The following DNAJC16 variants were observed in gnomAD, a reference collection of about 807,000 sequenced individuals.
DNAJC16 encodes the protein DnaJ heat shock protein family (Hsp40) member C16, also known as dnaJ homolog subfamily C member 16.
DNAJC16 carries 76 observed loss-of-function variants against 92.7 expected under a neutral mutation model. The observed-to-expected ratio is 0.82, with a 90% confidence interval of 0.68 to 0.99. DNAJC16 has a LOEUF of 0.99. Ranked by LOEUF, DNAJC16 falls within the 50% of genes least tolerant of loss-of-function variation. The pLI, the probability that DNAJC16 is intolerant of heterozygous loss-of-function variation, is 0.00. For synonymous variants in DNAJC16, 328 were observed against 358.7 expected, an observed-to-expected ratio of 0.91 and a Z score of 0.97; for missense variants, 869 against 942.4, an observed-to-expected ratio of 0.92 and a Z score of 1.02.
chr1:15,557,467 G>C (rs1469813689), intron 7 of DNAJC16, among the ~76,000 whole-genome samples: 2 of 151,904 alleles, frequency 1.3e-5, no homozygotes, highest in Admixed American at 6.6e-5. Context: ...TTTTGTCTTT[G>C]TTAATTCTTC....
chr1:15,546,171 G>A (rs112275023), intron 5 of DNAJC16, among the ~76,000 whole-genome samples: 1,747 of 152,278 alleles, frequency 0.011, 39 homozygotes, highest in African/African-American at 0.039. Flanking sequence ...CAGGCATGGT[G>A]CCATGTACCT....
At chr1:15,563,422 A>T (rs1259956963) in intron 9 of DNAJC16, among the ~76,000 whole-genome samples, 1 of 152,026 alleles carries the variant, frequency 6.6e-6, no homozygotes, top group Non-Finnish European at 1.5e-5. Context: ...CCAACTACTC[A>T]GCAGGCTGAG....
At chr1:15,531,401 A>G (rs539897567) in intron 2 of DNAJC16, among the ~76,000 whole-genome samples, 2 of 152,376 alleles carry the variant, frequency 1.3e-5, no homozygotes, top group South Asian at 4.1e-4. Flanking sequence ...ATCTCTAATT[A>G]TACATGACCT....
Position 15,548,332 on chromosome 1 carries a change from G to A in DNAJC16, c.927G>A (p.Gly309=), listed in dbSNP as rs147700357. The A allele has an allele frequency of 3.7e-5, 60 of 1,614,154 alleles. No individual in the cohort carries two copies. In the African/African-American group the frequency reaches 7.3e-4, roughly 20 times the overall value. The change falls in exon 7 of 15, where the codon GGG becomes GGA. Residue 309 remains glycine, a synonymous_variant. Transcript: ENST00000375847. Reference sequence around the variant, plus strand: ...GATATGTATATGTGGGTTTGAGAGGGACGGAAGAGATGACAAGGCGGTACA... The same window carrying A: ...GATATGTATATGTGGGTTTGAGAGGAACGGAAGAGATGACAAGGCGGTACA... ...SFGYVYVGLR[G]TEEMTRRYNI... is the part of the protein sequence containing the mutation.
At chr1:15,566,544 A>G (rs1638811677) in intron 13 of DNAJC16, 1 of 228,498 alleles carries the variant, frequency 4.4e-6, no homozygotes, top group Non-Finnish European at 8.7e-6. Context: ...AGACTGAATG[A>G]TAGTTGTCTT....
Position 15,536,778 on chromosome 1 carries a change from G to A in DNAJC16, c.538G>A (p.Val180Met). 2 of 1,610,142 alleles carry A rather than the reference G, an allele frequency of 1.2e-6. No homozygotes were observed. Among genetic ancestry groups the A allele is most frequent in the Non-Finnish European group, 1.7e-6 (2 of 1,178,678 alleles). ...CTTTAGCTGCATTCATATCGAGCCT[G>A]TGTGGAAAGAAGTCATTCAAGAACT... ...WCFSCIHIEP[V>M]WKEVIQELEE... is the part of the protein sequence containing the mutation. The change falls in exon 4 of 15, where the codon GTG (valine) becomes ATG (methionine). Residue 180 changes from valine to methionine, a missense_variant. Transcript: ENST00000375847.
chr1:15,565,921 G>A lies in DNAJC16; in HGVS notation c.1601G>A (p.Arg534Lys). Residue 534 changes from arginine to lysine, a missense_variant and splice_region_variant, in exon 12 of 15, where the codon AGG (arginine) becomes AAG (lysine). Arg to Lys is a conservative substitution (Grantham distance 26). Transcript: ENST00000375847. Reference protein sequence around the residue: ...CWDSIFHNNWREMMPLLSLIF... With the variant: ...CWDSIFHNNWKEMMPLLSLIF... ...ATAGTTTGTTAATTTGGTTTTAGGAGGGAAATGATGCCCCTGCTGTCCCTG... is the reference window on the plus strand; with the variant it reads ...ATAGTTTGTTAATTTGGTTTTAGGAAGGAAATGATGCCCCTGCTGTCCCTG... 6.2e-7 allele frequency: 1 copy of A among 1,613,478 alleles called. No individual in the cohort carries two copies. Among genetic ancestry groups the A allele is most frequent in the South Asian group, 1.1e-5 (1 of 91,024 alleles).
At chr1:15,560,800 T>G (rs1557586329) in intron 8 of DNAJC16, among the ~76,000 whole-genome samples, 2 of 152,116 alleles carry the variant, frequency 1.3e-5, no homozygotes, top group Non-Finnish European at 2.9e-5. Flanking sequence ...ACTGCCACCC[T>G]GGAACAAGCC....
chr1:15,558,609 G>A (rs1015545858), intron 7 of DNAJC16, among the ~76,000 whole-genome samples: 1 of 152,108 alleles, frequency 6.6e-6, no homozygotes, highest in Non-Finnish European at 1.5e-5. Context: ...TTGGGTTAGA[G>A]GAATGAGCCT....
At position 15,548,402 on chromosome 1, in the gene DNAJC16, A is replaced by G. The variant is rs1638363265; in HGVS notation, c.997A>G (p.Ile333Val). The G allele has an allele frequency of 6.8e-6, 11 of 1,613,746 alleles. No homozygotes were observed. The highest frequency in any genetic ancestry group is 1.3e-5 in the African/African-American group (1 of 74,936). The change falls in exon 7 of 15, where the codon ATA becomes GTA. Residue 333 changes from isoleucine (I) to valine (V), a missense_variant. By Grantham distance (29) the Ile-to-Val change is conservative. Transcript: ENST00000375847. ...TACCCTCTTGGTCTTTAAAGAACAT[A>G]TAAACAGGCCTGCCGATGTTATCCA... ...APTLLVFKEH[I>V]NRPADVIQAR...
In DNAJC16 at chr1:15,571,441, C is replaced by T. The variant is rs1388023507; in HGVS notation, c.*3264C>T. On this transcript the variant is annotated 3_prime_UTR_variant, in exon 15 of 15. Coordinates refer to ENST00000375847, the MANE Select transcript of DNAJC16 (RefSeq NM_015291.4). Reference sequence around the variant, plus strand: ...ACAGAGGAACTGTAGTTCACATCCACCTGTCTGACATTGTCCCCTAAAAAC... The same window carrying T: ...ACAGAGGAACTGTAGTTCACATCCATCTGTCTGACATTGTCCCCTAAAAAC... 6.6e-6 allele frequency: 1 copy of T among 152,610 alleles called. No homozygotes were observed. The highest frequency in any genetic ancestry group is 1.5e-5 in the Non-Finnish European group (1 of 68,038). 9.5% of individuals were successfully genotyped at this position (152,610 alleles called of 1,614,324 possible). A position where few individuals can be genotyped will look rare whatever the true frequency, so the allele number is the denominator to read the frequency against.
At chr1:15,552,269 T>G (rs1049955548) in intron 7 of DNAJC16, among the ~76,000 whole-genome samples, 1 of 151,742 alleles carries the variant, frequency 6.6e-6, no homozygotes, top group African/African-American at 2.4e-5. Context: ...AGGTGGATCA[T>G]GAGGTCAGGA....
intron 13 of DNAJC16, 88 bp downstream of exon 13, chr1:15,566,268 G>C: frequency 9.0e-7 from 1 of 1,108,604 alleles, no homozygotes; most frequent in Non-Finnish European, 1.3e-6. Context: ...AACATAGAGT[G>C]TAGAGAAGAA....
intron 7 of DNAJC16, 133 bp downstream of exon 7, chr1:15,548,561 T>A: frequency 1.1e-6 from 1 of 883,488 alleles, no homozygotes; most frequent in Non-Finnish European, 1.6e-6. Context: ...TTTTAATGAA[T>A]TTTTTTATCT....
At chr1:15,533,655 G>A (rs534458855) in intron 2 of DNAJC16, among the ~76,000 whole-genome samples, 1 of 152,104 alleles carries the variant, frequency 6.6e-6, no homozygotes, top group African/African-American at 2.4e-5. Context: ...AAAAAAAACA[G>A]TGGCCTTGAA....
In DNAJC16 at chr1:15,569,514, G is replaced by C. The variant is rs781140298; in HGVS notation, c.*1337G>C. On this transcript the variant is annotated 3_prime_UTR_variant, in exon 15 of 15. Coordinates refer to ENST00000375847, the MANE Select transcript of DNAJC16 (RefSeq NM_015291.4). The stretch of plus-strand genomic sequence containing the variant: ...ATTTTTCAGGGCAGAATGACCAGTG[G>C]TTCTGAGTTTGAGTTTGGACAGCTT... 1 of 152,108 alleles carries C rather than the reference G, an allele frequency of 6.6e-6. No homozygotes were observed. Among genetic ancestry groups the C allele is most frequent in the Admixed American group, 6.5e-5 (1 of 15,272 alleles). The allele number at this position is 152,108 out of a possible 1,614,324, so 9.4% of individuals were successfully genotyped here.
Position 15,570,691 on chromosome 1 carries a change from A to G in DNAJC16, c.*2514A>G, listed in dbSNP as rs1036185157. The G allele has an allele frequency of 2.0e-5, 3 of 152,188 alleles. No individual in the cohort carries two copies. Among genetic ancestry groups the G allele is most frequent in the African/African-American group, 4.8e-5 (2 of 41,452 alleles). 9.4% of individuals were successfully genotyped at this position (152,188 alleles called of 1,614,324 possible). On this transcript the variant is annotated 3_prime_UTR_variant, in exon 15 of 15. Transcript: ENST00000375847. The stretch of plus-strand genomic sequence containing the variant: ...CAGACCGGTTTAGAGCTGGTGCCCT[A>G]TGAGAATATTAGGGAGCTTTTATTT...
intron 4 of DNAJC16, among the ~76,000 whole-genome samples, chr1:15,541,156 GAAGTGATAA>G (rs1314107424): frequency 6.6e-6 from 1 of 152,218 alleles, no homozygotes; most frequent in East Asian, 1.9e-4. Flanking sequence ...AGGCACTCAA[GAAGTGATAA>G]TCCCTCCCTT....
chr1:15,555,681 C>CA (rs937939468), intron 7 of DNAJC16, among the ~76,000 whole-genome samples: 2,686 of 51,214 alleles, frequency 0.052, 62 homozygotes, highest in Non-Finnish European at 0.067. Flanking sequence ...GACTCCGTCT[C>CA]AAAAAAAAAA....
Sources: allele counts gnomAD v4.1 joint callset (sites outside exome capture counted in the v4.1 genomes callset), GRCh38; gene constraint gnomAD v4.1.1; transcripts MANE v1.5; gene names NCBI Gene and HGNC (gene_info 2026-07-23, HGNC 2026-07-21).